The following CDC45 variants were observed in gnomAD, a reference collection of about 807,000 sequenced individuals.
CDC45 encodes cell division cycle 45, also known as cell division control protein 45 homolog.
In CDC45, 54 loss-of-function variants were observed where a neutral mutation model predicts 77.8. The ratio of observed to expected loss-of-function variants is 0.69; its 90% CI spans 0.56 to 0.87. The LOEUF (loss-of-function observed/expected upper bound fraction) is 0.87. CDC45 is among the 40% of genes least tolerant of loss of function. The pLI is 0.00. For missense variants in CDC45, 649 were observed against 721.6 expected (o/e 0.90, Z 1.15); for synonymous variants, 260 against 272.1 (o/e 0.96, Z 0.44).
intron 4 of CDC45, 63 bp downstream of exon 4, chr22:19,482,890 T>A (rs1209953650): frequency 1.4e-5 from 21 of 1,474,028 alleles, no homozygotes; most frequent in Non-Finnish European, 2.0e-5. Flanking sequence ...ATGTCTCACC[T>A]GGTGTTCTTG....
chr22:19,504,260 A>C (rs1305437068), intron 9 of CDC45, among the ~76,000 whole-genome samples: 1 of 152,200 alleles, frequency 6.6e-6, no homozygotes, highest in Non-Finnish European at 1.5e-5. Context: ...CCTCAAATCC[A>C]TCTCCTTGAG....
chr22:19,496,261 G>A (rs941322142), intron 7 of CDC45, among the ~76,000 whole-genome samples: 8 of 152,150 alleles, frequency 5.3e-5, no homozygotes, highest in African/African-American at 1.2e-4. Flanking sequence ...TAAAATGGTC[G>A]TTTGCACCCA....
chr22:19,499,349 T>G (rs1231901470), intron 9 of CDC45, among the ~76,000 whole-genome samples, 198 bp downstream of exon 9: 2 of 152,200 alleles, frequency 1.3e-5, no homozygotes, highest in South Asian at 2.1e-4. Flanking sequence ...CGTGGCCTTG[T>G]GTGGCGTCTT....
At chr22:19,485,953 T>G (rs1264913292) in intron 5 of CDC45, among the ~76,000 whole-genome samples, 1 of 152,260 alleles carries the variant, frequency 6.6e-6, no homozygotes. Flanking sequence ...ACATTTGCTT[T>G]CTTTCTGTGT....
rs184242732 is a variant in CDC45 at position 19,487,395 on chromosome 22, A to G, written c.486+3390A>G. Among the ~76,000 whole-genome samples the G allele has an allele frequency of 2.6e-5, 4 of 151,868 alleles. No homozygotes were observed. The East Asian group carries it at 7.8e-4, about 30-fold the overall frequency. On this transcript the variant is annotated intron_variant, in intron 5 of 18. Coordinates refer to ENST00000263201, the MANE Select transcript of CDC45 (RefSeq NM_003504.5). ...ATAAAAATTAGCCAGGCATGGTAGC[A>G]TGGTCACATAGGCCCGGCTACTTGG...
chr22:19,505,450 G>A lies in CDC45; in HGVS notation c.793G>A (p.Val265Met), dbSNP rs551487753. 11 of 1,613,982 alleles carry A rather than the reference G, an allele frequency of 6.8e-6. No homozygotes were observed. Among genetic ancestry groups the A allele is most frequent in the African/African-American group, 2.7e-5 (2 of 74,928 alleles). The stretch of plus-strand genomic sequence containing the variant: ...CGAGGATGAGGAGAACACACTCTCC[G>A]TGGACTGCACACGGATCTCCTTTGA... ...RNEDEENTLS[V>M]DCTRISFEYD... The change falls in exon 10 of 19, where the codon GTG (valine) becomes ATG (methionine). Residue 265 changes from valine (V) to methionine (M), a missense_variant. By Grantham distance (21) the Val-to-Met change is conservative. Coordinates refer to ENST00000263201, the MANE Select transcript of CDC45 (RefSeq NM_003504.5).
At chr22:19,494,226 C>A in intron 5 of CDC45, 101 bp from the exon 6 acceptor site, 1 of 954,696 alleles carries the variant, frequency 1.0e-6, no homozygotes, top group South Asian at 1.4e-5. Flanking sequence ...TCTCAGGGGT[C>A]TGGGCCTACT....
chr22:19,502,950 G>T (rs955305493), intron 9 of CDC45, among the ~76,000 whole-genome samples: 6 of 152,032 alleles, frequency 3.9e-5, no homozygotes, highest in African/African-American at 1.4e-4. Context: ...ACTTTGTCGG[G>T]GGTGGGAGGA....
chr22:19,510,312 C>A (rs2146423656), intron 13 of CDC45, among the ~76,000 whole-genome samples: 1 of 152,236 alleles, frequency 6.6e-6, no homozygotes, highest in Non-Finnish European at 1.5e-5. Flanking sequence ...GTGCAGCAAT[C>A]ACCACTATCT....
intron 5 of CDC45, among the ~76,000 whole-genome samples, chr22:19,485,639 C>T (rs1183232654): frequency 6.6e-6 from 1 of 152,208 alleles, no homozygotes; most frequent in Non-Finnish European, 1.5e-5. Flanking sequence ...ATACTTAACA[C>T]ATCAATTTGG....
In CDC45 at chr22:19,520,578, A is replaced by G. The variant is rs1010681420; in HGVS notation, c.*99A>G. The G allele has an allele frequency of 1.4e-4, 22 of 152,124 alleles. No homozygotes were observed. Among genetic ancestry groups the G allele is most frequent in the African/African-American group, 5.3e-4 (22 of 41,436 alleles). 9.4% of individuals were successfully genotyped at this position (152,124 alleles called of 1,614,324 possible). ...ATTTGAGATGTAGAAGCCATTTTTT[A>G]TTAAATAAAATGCTTATTTTAGGCT... On this transcript the variant is annotated 3_prime_UTR_variant, in exon 19 of 19. Transcript: ENST00000263201. This position sits in a 1 kb window ranked among gnomAD's most constrained non-coding sequence, Gnocchi z 4.5.
At chr22:19,517,041 C>T (rs1486674070) in intron 17 of CDC45, 148 bp downstream of exon 17, 3 of 671,402 alleles carry the variant, frequency 4.5e-6, no homozygotes, top group East Asian at 2.7e-5. Context: ...ACAGGCTACT[C>T]CTGGTGGCTC....
At chr22:19,482,209 T>G (rs2089994256) in intron 3 of CDC45, among the ~76,000 whole-genome samples, 1 of 152,190 alleles carries the variant, frequency 6.6e-6, no homozygotes, top group Non-Finnish European at 1.5e-5. Flanking sequence ...CCTGTTATTA[T>G]GTCAAGGACC....
chr22:19,482,629 GTGA>G (rs944356791), intron 3 of CDC45, 58 bp from the exon 4 acceptor site: 30 of 1,551,706 alleles, frequency 1.9e-5, no homozygotes, highest in Admixed American at 6.8e-5. Context: ...CAGAGGCTTA[GTGA>G]TGAAGGAAAA....
intron 6 of CDC45, chr22:19,494,674 T>G: frequency 1.0e-6 from 1 of 1,003,268 alleles, no homozygotes. Context: ...GTAGATACTT[T>G]GATTTACAAA....
At position 19,505,272 on chromosome 22, in the gene CDC45, A is replaced by G. The variant is rs183164407; in HGVS notation, c.705-90A>G. 7.9e-5 allele frequency: 119 copies of G among 1,498,152 alleles called. 2 individuals carry two copies. The Admixed American group carries it at 2.0e-3, about 25-fold the overall frequency. The allele number at this position is 1,498,152 out of a possible 1,614,324, so 92.8% of individuals were successfully genotyped here. A position where few individuals can be genotyped will look rare whatever the true frequency, so the allele number is the denominator to read the frequency against. On this transcript the variant is annotated intron_variant, in intron 9 of 18. Coordinates refer to ENST00000263201, the MANE Select transcript of CDC45 (RefSeq NM_003504.5). Reference sequence around the variant, plus strand: ...TCCTGTGGTGAGCAGGCCCCTGAGGAAGGCCTTGAGCGGGAATGGAGCCTA... The same window carrying G: ...TCCTGTGGTGAGCAGGCCCCTGAGGGAGGCCTTGAGCGGGAATGGAGCCTA...
At chr22:19,489,290 G>A (rs1265253299) in intron 5 of CDC45, among the ~76,000 whole-genome samples, 1 of 151,210 alleles carries the variant, frequency 6.6e-6, no homozygotes, top group Non-Finnish European at 1.5e-5. Flanking sequence ...TTCCATTTAT[G>A]CATTCAGAAA....
intron 5 of CDC45, among the ~76,000 whole-genome samples, chr22:19,489,378 T>A (rs2090121136): frequency 6.6e-6 from 1 of 151,604 alleles, no homozygotes; most frequent in Non-Finnish European, 1.5e-5. Context: ...TAAGGATCCC[T>A]CTGTTGCCCT....
chr22:19,480,330 A>T (rs2089957216), intron 2 of CDC45, 113 bp downstream of exon 2: 1 of 985,106 alleles, frequency 1.0e-6, no homozygotes, highest in African/African-American at 1.6e-5. Flanking sequence ...AGGGTGGGAG[A>T]GGGAGCAGGG....
Sources: gnomAD v4.1 joint callset for allele counts (sites outside exome capture counted in the v4.1 genomes callset) on GRCh38, gnomAD v4.1.1 for gene constraint, Gnocchi (gnomAD v3.1) non-coding constraint, MANE v1.5 for transcripts, NCBI Gene and HGNC (gene_info 2026-07-23, HGNC 2026-07-21) for gene names.